Variants in CTTNBP2 observed in about 807,000 individuals in gnomAD.
CTTNBP2 encodes the protein cortactin-binding protein 2.
A neutral mutation model predicts 156.9 loss-of-function variants in CTTNBP2; 108 were observed. The observed-to-expected ratio is 0.69, with a 90% CI of 0.59 to 0.81. CTTNBP2 has a LOEUF of 0.81. Among genes scored for constraint, CTTNBP2 ranks in the 30% least tolerant of loss-of-function variants. The probability of loss-of-function intolerance (pLI) is 0.00; values close to 1 mark genes in which losing one functional copy is unlikely to be tolerated. For synonymous variants in CTTNBP2, 767 were observed against 751.8 expected, an observed-to-expected ratio of 1.02 and a Z score of -0.33; for missense variants, 1,924 against 2,035.4, an observed-to-expected ratio of 0.95 and a Z score of 1.05.
chr7:117,776,267 C>A (rs975952640), intron 8 of CTTNBP2, among the ~76,000 whole-genome samples: 1 of 152,196 alleles, frequency 6.6e-6, no homozygotes, highest in Non-Finnish European at 1.5e-5. Flanking sequence ...CCACTGCTGT[C>A]ATCATCTTTC....
chr7:117,840,430 T>C (rs994524357), intron 2 of CTTNBP2, among the ~76,000 whole-genome samples: 5 of 152,042 alleles, frequency 3.3e-5, no homozygotes, highest in Admixed American at 2.6e-4. Flanking sequence ...AGAGGCCACC[T>C]GGGGAGGATC....
At chr7:117,863,271 C>T (rs564615753) in intron 1 of CTTNBP2, among the ~76,000 whole-genome samples, 10 of 152,198 alleles carry the variant, frequency 6.6e-5, no homozygotes, top group South Asian at 2.1e-4. Flanking sequence ...GAAAGGCAAG[C>T]GCTAAGGATA....
At chr7:117,841,141 CA>C (rs2117132357) in intron 2 of CTTNBP2, among the ~76,000 whole-genome samples, 1 of 152,158 alleles carries the variant, frequency 6.6e-6, no homozygotes, top group South Asian at 2.1e-4. Flanking sequence ...AGAAGAATAG[CA>C]TTGTTTTGTA....
chr7:117,770,741 G>A (rs1483243342), intron 8 of CTTNBP2, among the ~76,000 whole-genome samples: 2 of 152,154 alleles, frequency 1.3e-5, no homozygotes, highest in African/African-American at 4.8e-5. Context: ...CTTTATGGAG[G>A]AGCAGGAGGA....
chr7:117,792,707 C>T lies in CTTNBP2; in HGVS notation c.489G>A (p.Glu163=). The change falls in exon 4 of 23, where the codon GAG becomes GAA. Residue 163 remains glutamate, a synonymous_variant. Transcript: ENST00000160373. The surrounding 1 kb of genome is among the most constrained non-coding windows in gnomAD (Gnocchi z 4.2). The part of the protein sequence containing the change: ...HKKLAARLEE[E]RGKNKQVVLM... ...GGACCACCTGCTTGTTCTTGCCACGCTCTTCCTCAAGGCGGGCAGCCAGCT... is the reference window on the plus strand; with the variant it reads ...GGACCACCTGCTTGTTCTTGCCACGTTCTTCCTCAAGGCGGGCAGCCAGCT... 1 of 1,611,832 alleles carries T rather than the reference C, an allele frequency of 6.2e-7. No individual in the cohort carries two copies. Among genetic ancestry groups the T allele is most frequent in the South Asian group, 1.1e-5 (1 of 90,438 alleles).
intron 6 of CTTNBP2, among the ~76,000 whole-genome samples, chr7:117,782,043 T>TA (rs1325056179): frequency 2.6e-5 from 4 of 152,192 alleles, no homozygotes; most frequent in Non-Finnish European, 5.9e-5. Flanking sequence ...TTTTGAATTT[T>TA]AAAAAATTAT....
intron 9 of CTTNBP2, among the ~76,000 whole-genome samples, chr7:117,763,555 C>CTTTT (rs767309488): frequency 6.9e-4 from 71 of 103,418 alleles, no homozygotes; most frequent in Non-Finnish European, 1.1e-3. Context: ...TCTTCTTCTT[C>CTTTT]TTTTTTTTTT....
intron 19 of CTTNBP2, among the ~76,000 whole-genome samples, chr7:117,722,296 G>A (rs1213207402): frequency 6.9e-6 from 1 of 145,758 alleles, no homozygotes; most frequent in African/African-American, 2.5e-5. Flanking sequence ...CCCAACCATT[G>A]TAATAATCAT....
At chr7:117,769,523 T>C (rs745514693) in intron 8 of CTTNBP2, among the ~76,000 whole-genome samples, 2 of 152,238 alleles carry the variant, frequency 1.3e-5, no homozygotes, top group Non-Finnish European at 2.9e-5. Context: ...ACAATTATTA[T>C]GTGGCCATTA....
At chr7:117,872,890 G>A (rs1283893345) in intron 1 of CTTNBP2, among the ~76,000 whole-genome samples, 1 of 152,104 alleles carries the variant, frequency 6.6e-6, no homozygotes, top group African/African-American at 2.4e-5. Context: ...CTGCTCTCCC[G>A]GGTCCGCTGA....
At chr7:117,748,211 C>T (rs545447945) in intron 12 of CTTNBP2, among the ~76,000 whole-genome samples, 4 of 152,170 alleles carry the variant, frequency 2.6e-5, no homozygotes, top group East Asian at 3.9e-4. Context: ...AAAAGTAATA[C>T]GTTTTCATTT....
chr7:117,788,619 G>A (rs747184234), intron 4 of CTTNBP2, among the ~76,000 whole-genome samples: 3 of 152,132 alleles, frequency 2.0e-5, no homozygotes, highest in South Asian at 2.1e-4. Flanking sequence ...TCACAGTGGC[G>A]AAAATAGGGG....
At chr7:117,863,598 T>C (rs562709599) in intron 1 of CTTNBP2, among the ~76,000 whole-genome samples, 1 of 152,358 alleles carries the variant, frequency 6.6e-6, no homozygotes, top group South Asian at 2.1e-4. Context: ...ATGTTGCTGG[T>C]CCACGGACTA....
At chr7:117,757,528 T>TA (rs56687697) in intron 11 of CTTNBP2, among the ~76,000 whole-genome samples, 19,471 of 91,296 alleles carry the variant, frequency 0.21, 1,880 homozygotes, top group Non-Finnish European at 0.25. Flanking sequence ...TTAAGCACAG[T>TA]AAAAAAAAAA....
chr7:117,805,918 A>C (rs1563025708), intron 3 of CTTNBP2, among the ~76,000 whole-genome samples: 1 of 152,228 alleles, frequency 6.6e-6, no homozygotes, highest in South Asian at 2.1e-4. Flanking sequence ...ATGAAAATCC[A>C]TAAATTCCAC....
At chr7:117,776,401 T>C (rs1029947954) in intron 8 of CTTNBP2, among the ~76,000 whole-genome samples, 33 of 152,342 alleles carry the variant, frequency 2.2e-4, no homozygotes, top group African/African-American at 7.9e-4. Context: ...AACCTTTCAA[T>C]GGTTTCACTT....
At chr7:117,855,214 G>C (rs1803217086) in intron 2 of CTTNBP2, among the ~76,000 whole-genome samples, 1 of 152,078 alleles carries the variant, frequency 6.6e-6, no homozygotes, top group African/African-American at 2.4e-5. Context: ...CATGCGGACT[G>C]TTTGCATTAA....
chr7:117,722,853 A>C (rs1361178056), intron 19 of CTTNBP2, among the ~76,000 whole-genome samples: 1 of 152,234 alleles, frequency 6.6e-6, no homozygotes, highest in Non-Finnish European at 1.5e-5. Flanking sequence ...TGGGCTTGCA[A>C]GAAACAATTA....
chr7:117,777,669 AAG>A lies in CTTNBP2; in HGVS notation c.2618_2619del (p.Ser873PhefsTer3), dbSNP rs1396939027. ...MYHRIPAHGN[S>X]FNEEESESSV... Reference sequence around the variant, plus strand: ...CTTGACTCGGACTCCTCCTCATTGAAAGAATTTCCATGAGCTGGTATTCTATG... The same window carrying A: ...CTTGACTCGGACTCCTCCTCATTGAAAATTTCCATGAGCTGGTATTCTATG... On this transcript the variant is annotated frameshift_variant, in exon 8 of 23. Coordinates refer to ENST00000160373, the MANE Select transcript of CTTNBP2 (RefSeq NM_033427.3). LOFTEE classifies it high-confidence loss of function. 2.5e-6 allele frequency: 4 copies of A among 1,614,038 alleles called. No individual in the cohort carries two copies. Among genetic ancestry groups the A allele is most frequent in the Non-Finnish European group, 3.4e-6 (4 of 1,180,012 alleles).
Sources: gnomAD v4.1 joint callset for allele counts (sites outside exome capture counted in the v4.1 genomes callset) on GRCh38, gnomAD v4.1.1 for gene constraint, Gnocchi (gnomAD v3.1) non-coding constraint, MANE v1.5 for transcripts, NCBI Gene and HGNC (gene_info 2026-07-23, HGNC 2026-07-21) for gene names.